The following SHISA9 variants were observed in gnomAD, a reference collection of about 807,000 sequenced individuals.
SHISA9 encodes shisa family member 9, also known as protein shisa-9.
Under a neutral mutation model 38.0 loss-of-function variants are expected in SHISA9, and 13 were observed. That is an observed-to-expected ratio of 0.34 (90% confidence interval 0.22 to 0.54). The LOEUF is 0.54. SHISA9 is among the 20% of genes least tolerant of loss of function. The probability of loss-of-function intolerance (pLI) is 0.91; values close to 1 mark genes in which losing one functional copy is unlikely to be tolerated. For missense variants in SHISA9, 538 were observed against 575.8 expected (o/e 0.93, Z 0.67); for synonymous variants, 275 against 242.0 (o/e 1.14, Z -1.27).
chr16:13,256,499 C>G, the SHISA9 span, among the ~76,000 whole-genome samples: 1 of 152,150 alleles, frequency 6.6e-6, no homozygotes, highest in African/African-American at 2.4e-5. Flanking sequence ...AGGCTGGTCT[C>G]GAACTCCCAA....
chr16:12,971,812 C>CTTTA (rs2072086858), intron 2 of SHISA9, among the ~76,000 whole-genome samples: 1 of 152,172 alleles, frequency 6.6e-6, no homozygotes, highest in African/African-American at 2.4e-5. Context: ...TAAAGACCTT[C>CTTTA]TTAGCTCCTT....
intron 2 of SHISA9, among the ~76,000 whole-genome samples, chr16:13,089,512 T>G (rs1567208577): frequency 6.6e-6 from 1 of 152,234 alleles, no homozygotes; most frequent in Non-Finnish European, 1.5e-5. Flanking sequence ...ATTCAACTTC[T>G]TCCTAGTTTA....
At chr16:13,059,378 C>T (rs1037335282) in intron 2 of SHISA9, among the ~76,000 whole-genome samples, 10 of 152,062 alleles carry the variant, frequency 6.6e-5, no homozygotes, top group African/African-American at 1.4e-4. Flanking sequence ...CTGCCCACCT[C>T]GGCCTCCCAA....
the SHISA9 span, among the ~76,000 whole-genome samples, chr16:13,302,627 G>C: frequency 2.6e-5 from 4 of 152,314 alleles, no homozygotes; most frequent in East Asian, 7.7e-4. Flanking sequence ...CTCACAGGGA[G>C]CCATGCTGTC....
At chr16:13,254,117 A>G in the SHISA9 span, among the ~76,000 whole-genome samples, 1 of 152,186 alleles carries the variant, frequency 6.6e-6, no homozygotes, top group African/African-American at 2.4e-5. Context: ...GCCCTCTATA[A>G]TAATAATACT....
intron 2 of SHISA9, among the ~76,000 whole-genome samples, chr16:13,096,301 A>C (rs1267674539): frequency 2.6e-5 from 4 of 152,230 alleles, no homozygotes; most frequent in African/African-American, 9.6e-5. Flanking sequence ...ATCTACCCTT[A>C]GGTAGCTCAT....
intron 2 of SHISA9, among the ~76,000 whole-genome samples, chr16:12,921,915 A>C (rs2071333975): frequency 6.6e-6 from 1 of 152,224 alleles, no homozygotes. Flanking sequence ...AAAACTCCAA[A>C]ACATGGATTC....
intron 2 of SHISA9, among the ~76,000 whole-genome samples, chr16:12,962,951 G>C (rs2071930447): frequency 6.6e-6 from 1 of 152,056 alleles, no homozygotes; most frequent in African/African-American, 2.4e-5. Flanking sequence ...CTTCCACTGG[G>C]GTGCTCAGGA....
chr16:13,409,680 T>C, the SHISA9 span, among the ~76,000 whole-genome samples: 1 of 152,216 alleles, frequency 6.6e-6, no homozygotes, highest in Admixed American at 6.5e-5. Flanking sequence ...CCTAATGTAT[T>C]GTCTTAGCTG....
At chr16:13,284,259 C>G in the SHISA9 span, among the ~76,000 whole-genome samples, 1 of 152,148 alleles carries the variant, frequency 6.6e-6, no homozygotes, top group Non-Finnish European at 1.5e-5. Flanking sequence ...GAATCACAAT[C>G]TCGTGCTGCC....
At chr16:13,095,881 G>A (rs574699832) in intron 2 of SHISA9, among the ~76,000 whole-genome samples, 8 of 152,336 alleles carry the variant, frequency 5.3e-5, no homozygotes, top group Non-Finnish European at 8.8e-5. Context: ...AGCACAGATT[G>A]TTGGCCAGTT....
intron 2 of SHISA9, among the ~76,000 whole-genome samples, chr16:13,047,608 G>C (rs1346012959): frequency 6.6e-6 from 1 of 152,060 alleles, no homozygotes; most frequent in African/African-American, 2.4e-5. Context: ...TAATGGCTTT[G>C]CCCTGCAGAA....
intron 2 of SHISA9, among the ~76,000 whole-genome samples, chr16:12,986,948 A>C (rs1447273730): frequency 6.6e-6 from 1 of 152,222 alleles, no homozygotes; most frequent in South Asian, 2.1e-4. Flanking sequence ...TCTTCTCATT[A>C]GATGATATCA....
At chr16:13,003,877 T>TAAGAAGAAG (rs1177049862) in intron 2 of SHISA9, among the ~76,000 whole-genome samples, 2 of 144,946 alleles carry the variant, frequency 1.4e-5, no homozygotes, top group African/African-American at 2.7e-5. Context: ...ATAATAATAA[T>TAAGAAGAAG]AATAATAATA....
intron 2 of SHISA9, among the ~76,000 whole-genome samples, chr16:13,159,448 G>A (rs765597967): frequency 6.6e-6 from 1 of 152,134 alleles, no homozygotes; most frequent in Admixed American, 6.5e-5. Flanking sequence ...AGCTGTTCTC[G>A]AGATGTGAGA....
chr16:13,291,229 C>T, the SHISA9 span, among the ~76,000 whole-genome samples: 12 of 152,130 alleles, frequency 7.9e-5, no homozygotes, highest in Non-Finnish European at 2.9e-5. Flanking sequence ...GAAATTTAGA[C>T]TCCAAAACTT....
At chr16:13,040,866 A>G (rs1012354868) in intron 2 of SHISA9, among the ~76,000 whole-genome samples, 1 of 152,158 alleles carries the variant, frequency 6.6e-6, no homozygotes, top group African/African-American at 2.4e-5. Context: ...TGCCCTGTTG[A>G]GCTTTGCAAG....
the SHISA9 span, among the ~76,000 whole-genome samples, chr16:13,369,286 A>T: frequency 6.6e-6 from 1 of 152,164 alleles, no homozygotes; most frequent in Non-Finnish European, 1.5e-5. Context: ...GGAGAACATT[A>T]GGGCTACGAG....
chr16:13,368,794 G>GT, the SHISA9 span, among the ~76,000 whole-genome samples: 4 of 151,664 alleles, frequency 2.6e-5, no homozygotes, highest in Admixed American at 2.6e-4. Flanking sequence ...TACTAATAAT[G>GT]TTTACTTCGA....
Sources: allele counts gnomAD v4.1 joint callset (sites outside exome capture counted in the v4.1 genomes callset), GRCh38; gene constraint gnomAD v4.1.1; transcripts MANE v1.5; gene names NCBI Gene and HGNC (gene_info 2026-07-23, HGNC 2026-07-21).